Variants in LINGO2 observed in about 807,000 individuals in gnomAD.
LINGO2 encodes leucine-rich repeat and immunoglobulin-like domain-containing nogo receptor-interacting protein 2.
Under a neutral mutation model 30.6 loss-of-function variants are expected in LINGO2, and 14 were observed. The observed-to-expected ratio is 0.46, with a 90% CI of 0.30 to 0.72. LINGO2 has a LOEUF of 0.72. LINGO2 is among the 30% of genes least tolerant of loss of function. The pLI is 0.07. For synonymous variants in LINGO2, 317 were observed against 288.5 expected, an observed-to-expected ratio of 1.10 and a Z score of -1.00; for missense variants, 729 against 751.7, an observed-to-expected ratio of 0.97 and a Z score of 0.35.
intron 4 of LINGO2, among the ~76,000 whole-genome samples, chr9:28,022,895 G>A (rs1372080205): frequency 6.6e-6 from 1 of 150,806 alleles, no homozygotes; most frequent in Non-Finnish European, 1.5e-5. Context: ...TTTCAGTTTG[G>A]GAGGCTTCTA....
chr9:28,460,746 G>T (rs1035035293), intron 2 of LINGO2, among the ~76,000 whole-genome samples: 2 of 152,052 alleles, frequency 1.3e-5, no homozygotes, highest in African/African-American at 4.8e-5. Context: ...TATTTGGGAA[G>T]AAGTGGTATG....
chr9:28,444,429 G>C (rs1036325453), intron 2 of LINGO2, among the ~76,000 whole-genome samples: 1 of 152,202 alleles, frequency 6.6e-6, no homozygotes, highest in African/African-American at 2.4e-5. Flanking sequence ...GGGCCAGAAC[G>C]AGGCAGCAGG....
chr9:28,656,415 G>T (rs574786609), intron 1 of LINGO2, among the ~76,000 whole-genome samples: 1 of 151,852 alleles, frequency 6.6e-6, no homozygotes, highest in Non-Finnish European at 1.5e-5. Flanking sequence ...AAAATTAATC[G>T]CCCTAGTAAT....
At chr9:28,286,214 C>A (rs1415094879) in intron 4 of LINGO2, among the ~76,000 whole-genome samples, 1 of 152,166 alleles carries the variant, frequency 6.6e-6, no homozygotes, top group East Asian at 1.9e-4. Flanking sequence ...TAATTACCAA[C>A]TGGTCTGACC....
chr9:28,994,725 A>C, the LINGO2 span, among the ~76,000 whole-genome samples: 4 of 152,178 alleles, frequency 2.6e-5, no homozygotes, highest in African/African-American at 9.7e-5. Flanking sequence ...CATATCTGCA[A>C]CTATCTGATC....
intron 4 of LINGO2, among the ~76,000 whole-genome samples, chr9:28,030,807 A>T (rs1288338466): frequency 6.6e-6 from 1 of 152,040 alleles, no homozygotes; most frequent in Non-Finnish European, 1.5e-5. Context: ...AGTGGCAGGG[A>T]GTAATCCAAT....
At chr9:28,305,077 C>A (rs1824291675) in intron 3 of LINGO2, among the ~76,000 whole-genome samples, 1 of 151,986 alleles carries the variant, frequency 6.6e-6, no homozygotes, top group Non-Finnish European at 1.5e-5. Context: ...CATACAAAAG[C>A]AGTTGATGTA....
intron 4 of LINGO2, among the ~76,000 whole-genome samples, chr9:28,291,113 C>T (rs1231604745): frequency 2.0e-5 from 3 of 152,188 alleles, no homozygotes; most frequent in African/African-American, 7.2e-5. Flanking sequence ...TACCCTGTCT[C>T]AGTTCCCAGC....
chr9:28,567,691 C>T (rs61171777), intron 1 of LINGO2, among the ~76,000 whole-genome samples: 11,631 of 151,888 alleles, frequency 0.077, 661 homozygotes, highest in African/African-American at 0.16. Context: ...ACTACCTTTT[C>T]GGTACTATGT....
At chr9:28,065,670 T>C (rs1388539963) in intron 4 of LINGO2, among the ~76,000 whole-genome samples, 3 of 152,144 alleles carry the variant, frequency 2.0e-5, no homozygotes. Flanking sequence ...TTGAGAGTCT[T>C]TCAGGAATCC....
At chr9:27,993,212 CCT>C (rs1821486178) in intron 5 of LINGO2, among the ~76,000 whole-genome samples, 1 of 152,018 alleles carries the variant, frequency 6.6e-6, no homozygotes, top group Non-Finnish European at 1.5e-5. Flanking sequence ...AATTTTCCCC[CCT>C]CTTTTTCTTT....
intron 4 of LINGO2, among the ~76,000 whole-genome samples, chr9:28,162,605 A>C (rs777272023): frequency 6.6e-6 from 1 of 152,186 alleles, no homozygotes; most frequent in Non-Finnish European, 1.5e-5. Context: ...TAACTTTAAT[A>C]TAAAAGGTAA....
At chr9:28,502,673 T>A (rs960055012) in intron 1 of LINGO2, among the ~76,000 whole-genome samples, 1 of 152,090 alleles carries the variant, frequency 6.6e-6, no homozygotes, top group East Asian at 1.9e-4. Context: ...GCAGTTTGGA[T>A]TGATAACATA....
the LINGO2 span, among the ~76,000 whole-genome samples, chr9:29,017,800 A>C: frequency 6.6e-6 from 1 of 151,962 alleles, no homozygotes; most frequent in Non-Finnish European, 1.5e-5. Context: ...AAATGGGAGA[A>C]TCACCTGGCA....
the LINGO2 span, among the ~76,000 whole-genome samples, chr9:28,700,762 C>T: frequency 3.3e-5 from 5 of 152,034 alleles, no homozygotes; most frequent in Non-Finnish European, 7.4e-5. Context: ...CTTTTCATGT[C>T]CACCAGCAAT....
intron 4 of LINGO2, among the ~76,000 whole-genome samples, chr9:28,268,525 AT>A (rs2134077549): frequency 6.6e-6 from 1 of 152,242 alleles, no homozygotes; most frequent in East Asian, 1.9e-4. Flanking sequence ...GAGGTCTTAC[AT>A]TTTATTCTTG....
chr9:28,211,217 AG>A (rs1352087432), intron 4 of LINGO2, among the ~76,000 whole-genome samples: 2 of 151,466 alleles, frequency 1.3e-5, no homozygotes, highest in Non-Finnish European at 3.0e-5. Flanking sequence ...GTAGCCCATC[AG>A]GGTCACTTAC....
At chr9:27,989,051 T>C (rs138708043) in intron 5 of LINGO2, among the ~76,000 whole-genome samples, 8 of 152,058 alleles carry the variant, frequency 5.3e-5, no homozygotes, top group Non-Finnish European at 1.0e-4. Flanking sequence ...CTATTTCCCA[T>C]AAAGCCATCA....
the LINGO2 span, among the ~76,000 whole-genome samples, chr9:29,048,901 C>T: frequency 1.3e-5 from 2 of 152,124 alleles, no homozygotes; most frequent in African/African-American, 2.4e-5. Context: ...ACACATTGAT[C>T]TGGGCAAAAA....
Sources: allele counts gnomAD v4.1 joint callset (sites outside exome capture counted in the v4.1 genomes callset), GRCh38; gene constraint gnomAD v4.1.1; transcripts MANE v1.5; gene names NCBI Gene and HGNC (gene_info 2026-07-23, HGNC 2026-07-21).